The following RNF144A variants were observed in gnomAD, a reference collection of about 807,000 sequenced individuals.
RNF144A encodes the protein E3 ubiquitin-protein ligase RNF144A.
RNF144A carries 11 observed loss-of-function variants against 38.7 expected under a neutral mutation model. That is an observed-to-expected ratio of 0.28 (90% confidence interval 0.18 to 0.47). The LOEUF (loss-of-function observed/expected upper bound fraction) is 0.47, where lower values mean the gene tolerates loss of function less well. RNF144A is among the 20% of genes least tolerant of loss of function. The pLI, the probability that RNF144A is intolerant of heterozygous loss-of-function variation, is 0.99. For synonymous variants in RNF144A, 149 were observed against 143.9 expected (o/e 1.04, Z -0.25); for missense variants, 316 against 377.2 (o/e 0.84, Z 1.34).
At chr2:6,921,291 T>C (rs1180844934) in intron 1 of RNF144A, among the ~76,000 whole-genome samples, 1 of 152,228 alleles carries the variant, frequency 6.6e-6, no homozygotes, top group Non-Finnish European at 1.5e-5. Flanking sequence ...AGCAGGCTTA[T>C]AAGCTGGATG....
chr2:7,068,383 G>C, downstream of RNF144A: 3 of 571,998 alleles, frequency 5.2e-6, no homozygotes, highest in Non-Finnish European at 8.9e-6. Context: ...AGGATCTAAT[G>C]ATTGGCTTTT....
downstream of RNF144A, among the ~76,000 whole-genome samples, chr2:7,069,218 C>T (rs146664140): frequency 9.8e-5 from 15 of 152,314 alleles, no homozygotes; most frequent in East Asian, 2.9e-3. Context: ...CCTCCCATTG[C>T]CTCCCACTGT....
In RNF144A at chr2:7,039,954, G is replaced by T. The variant is rs1185608656; in HGVS notation, c.*194G>T. On this transcript the variant is annotated 3_prime_UTR_variant, in exon 9 of 9. Transcript: ENST00000320892. Reference sequence around the variant, plus strand: ...GCTGAGGCCCCAGGTGTGGTGGGGAGGGGAGGCAGGTGTGGGTAGCGCACA... The same window carrying T: ...GCTGAGGCCCCAGGTGTGGTGGGGATGGGAGGCAGGTGTGGGTAGCGCACA... The T allele has an allele frequency of 7.1e-5, 99 of 1,403,112 alleles. No individual in the cohort carries two copies. Among genetic ancestry groups the T allele is most frequent in the Non-Finnish European group, 9.1e-5 (98 of 1,079,620 alleles). 86.9% of individuals were successfully genotyped at this position (1,403,112 alleles called of 1,614,324 possible).
intron 3 of RNF144A, among the ~76,000 whole-genome samples, chr2:7,010,975 G>T (rs1409946717): frequency 3.9e-5 from 6 of 152,116 alleles, no homozygotes; most frequent in Admixed American, 3.9e-4. Flanking sequence ...ATGGATCATT[G>T]CATTTGCAGC....
chr2:6,973,498 A>G (rs1668117464), intron 2 of RNF144A, among the ~76,000 whole-genome samples: 1 of 152,182 alleles, frequency 6.6e-6, no homozygotes, highest in Non-Finnish European at 1.5e-5. Flanking sequence ...TGGTCACTTC[A>G]CAGTACAGGG....
intron 1 of RNF144A, among the ~76,000 whole-genome samples, chr2:6,925,869 C>T (rs10178976): frequency 0.29 from 44,297 of 152,118 alleles, 7,094 homozygotes; most frequent in South Asian, 0.41. Context: ...CACACGTGTG[C>T]GCACACACAC....
chr2:6,994,368 C>A (rs756947986), intron 2 of RNF144A, among the ~76,000 whole-genome samples: 8 of 151,986 alleles, frequency 5.3e-5, no homozygotes, highest in Non-Finnish European at 1.0e-4. Flanking sequence ...ATCATGTTGT[C>A]CAGTGAACTT....
chr2:7,033,877 C>T (rs910055648), intron 8 of RNF144A, among the ~76,000 whole-genome samples: 8 of 152,212 alleles, frequency 5.3e-5, no homozygotes, highest in Admixed American at 2.6e-4. Flanking sequence ...GGCAAAATCG[C>T]GAATGACCCG....
chr2:6,935,979 G>GGTAC (rs1665548191), intron 1 of RNF144A, among the ~76,000 whole-genome samples: 1 of 152,198 alleles, frequency 6.6e-6, no homozygotes, highest in Non-Finnish European at 1.5e-5. Context: ...CCCATCAGAT[G>GGTAC]CTTTGGGAGG....
At position 6,984,451 on chromosome 2, in the gene RNF144A, C is replaced by T. The variant is rs1176126026; in HGVS notation, c.-11-12465C>T. Among the ~76,000 whole-genome samples the T allele has an allele frequency of 7.9e-5, 12 of 152,036 alleles. No homozygotes were observed. The South Asian group carries it at 1.0e-3, about 13-fold the overall frequency. ...CCGAGTAGCTGGGATTACAGGCTCC[C>T]GCCACCACATCCGCGCTAATTTTTG... On this transcript the variant is annotated intron_variant, in intron 2 of 8. Transcript: ENST00000320892.
At chr2:7,007,276 T>G (rs1022041100) in intron 3 of RNF144A, among the ~76,000 whole-genome samples, 2 of 152,222 alleles carry the variant, frequency 1.3e-5, no homozygotes, top group African/African-American at 4.8e-5. Context: ...AACTTTTGGT[T>G]TCATGATGGG....
intron 1 of RNF144A, chr2:6,933,056 C>T (rs1665303125): frequency 6.6e-6 from 1 of 152,268 alleles, no homozygotes; most frequent in African/African-American, 2.4e-5. Context: ...AAAACCTCCA[C>T]TTATAGCGGC....
intron 8 of RNF144A, among the ~76,000 whole-genome samples, chr2:7,031,442 G>A (rs549408496): frequency 2.4e-4 from 36 of 152,342 alleles, no homozygotes; most frequent in African/African-American, 6.3e-4. Context: ...GAGATGGTCA[G>A]AGATGATGGC....
At chr2:7,050,128 C>G (rs962878755) in intron 6 of RNF144A, among the ~76,000 whole-genome samples, 1 of 152,128 alleles carries the variant, frequency 6.6e-6, no homozygotes, top group Admixed American at 6.5e-5. Context: ...GTCCTCAGTT[C>G]GGGTCCTGAT....
the RNF144A span, among the ~76,000 whole-genome samples, chr2:7,073,915 A>G: frequency 1.3e-5 from 2 of 152,212 alleles, no homozygotes; most frequent in African/African-American, 2.4e-5. Flanking sequence ...TTTTTTGAGC[A>G]TATTCCCCAG....
chr2:7,059,767 C>T (rs774690018), intron 6 of RNF144A, among the ~76,000 whole-genome samples: 10 of 152,202 alleles, frequency 6.6e-5, no homozygotes, highest in Non-Finnish European at 1.3e-4. Flanking sequence ...CTTCTCAGTG[C>T]TTTGGTGCTG....
In RNF144A at chr2:6,997,058, T is replaced by G; in HGVS notation, c.132T>G (p.Thr44=). ...CCCAGTGCCAATGCATCTTCTGTAC[T>G]CTGGTTGGTCTTTTTGGATAAAATA... The part of the protein sequence containing the change: ...TIAQCQCIFC[T]LCLKQYVELL... The change falls in exon 3 of 9, where the codon ACT becomes ACG. Residue 44 remains threonine, a synonymous_variant. Transcript: ENST00000320892. 2 of 1,614,044 alleles carry G rather than the reference T, an allele frequency of 1.2e-6. No homozygotes were observed. The highest frequency in any genetic ancestry group is 1.7e-6 in the Non-Finnish European group (2 of 1,179,918).
At chr2:7,025,772 G>A (rs1355281837) in intron 7 of RNF144A, among the ~76,000 whole-genome samples, 2 of 152,128 alleles carry the variant, frequency 1.3e-5, no homozygotes, top group East Asian at 1.9e-4. Context: ...AAATCAAGTC[G>A]TGTTTCATGA....
intron 1 of RNF144A, among the ~76,000 whole-genome samples, chr2:6,928,008 T>TG (rs2103275555): frequency 6.6e-6 from 1 of 152,284 alleles, no homozygotes; most frequent in East Asian, 1.9e-4. Flanking sequence ...CGCCTGCATC[T>TG]GGGGGCCTGG....
Sources: gnomAD v4.1 joint callset for allele counts (sites outside exome capture counted in the v4.1 genomes callset) on GRCh38, gnomAD v4.1.1 for gene constraint, MANE v1.5 for transcripts, NCBI Gene and HGNC (gene_info 2026-07-23, HGNC 2026-07-21) for gene names.